ALCAM: variants seen among roughly 807,000 people sequenced by gnomAD.
The protein encoded by ALCAM is activated leukocyte cell adhesion molecule.
ALCAM carries 30 observed loss-of-function variants against 70.9 expected under a neutral mutation model. That is an observed-to-expected ratio of 0.42 (90% CI 0.32 to 0.57). ALCAM has a LOEUF of 0.57. ALCAM is among the 20% of genes least tolerant of loss of function. The pLI is 0.11. For missense variants in ALCAM, 591 were observed against 695.1 expected (o/e 0.85, Z 1.68); for synonymous variants, 249 against 242.5 (o/e 1.03, Z -0.25).
intron 1 of ALCAM, among the ~76,000 whole-genome samples, chr3:105,485,511 G>A (rs1938403056): frequency 6.6e-6 from 1 of 151,862 alleles, no homozygotes; most frequent in Admixed American, 6.6e-5. Context: ...TTTTAACCCA[G>A]AAATGTTCAA....
At chr3:105,371,513 G>A (rs1269757517) in intron 1 of ALCAM, among the ~76,000 whole-genome samples, 2 of 81,502 alleles carry the variant, frequency 2.5e-5, no homozygotes, top group Admixed American at 3.2e-4. Flanking sequence ...ATGGAAAGAT[G>A]TTTCTTTTTT....
In ALCAM at chr3:105,521,825, C is replaced by T. The variant is rs77124720; in HGVS notation, c.174+1658C>T. Among the ~76,000 whole-genome samples, 30 of 152,290 alleles carry T rather than the reference C, an allele frequency of 2.0e-4. No individual in the cohort carries two copies. In the East Asian group the frequency reaches 5.6e-3, roughly 28 times the overall value. On this transcript the variant is annotated intron_variant, in intron 2 of 15. Coordinates refer to ENST00000306107, the MANE Select transcript of ALCAM (RefSeq NM_001627.4). ...AGGAAAGGAAGGTGGTAAGGCAGCA[C>T]AGCATTTCTCTGTAGCCTCCTTCTA...
chr3:105,545,395 T>C (rs1368734491), intron 9 of ALCAM, 60 bp downstream of exon 9: 3 of 1,214,410 alleles, frequency 2.5e-6, no homozygotes, highest in East Asian at 4.7e-5. Flanking sequence ...AGGTTTCTTA[T>C]GCACTTTATA....
rs539002530 is a variant in ALCAM, at chr3:105,392,650, A to G, written c.73+25169A>G. 1.1e-3 allele frequency among the ~76,000 whole-genome samples: 172 copies of G among 151,672 alleles called. 1 individual carries two copies. Among genetic ancestry groups the G allele is most frequent in the African/African-American group, 3.9e-3 (162 of 41,428 alleles). ...GGGTTTGTTTGCTTTGGGTTCTCCA[A>G]TTCTTTCAGTTGTGATGTTAGGTTT... On this transcript the variant is annotated intron_variant, in intron 1 of 15. Coordinates refer to ENST00000306107, the MANE Select transcript of ALCAM (RefSeq NM_001627.4).
chr3:105,432,660 G>T lies in ALCAM; in HGVS notation c.73+65179G>T, dbSNP rs539266524. ...AGTGTTACATAAAATGTCAAACTTA[G>T]CACAGCGCTTCACACATAACAAACT... On this transcript the variant is annotated intron_variant, in intron 1 of 15. Coordinates refer to ENST00000306107, the MANE Select transcript of ALCAM (RefSeq NM_001627.4). Among the ~76,000 whole-genome samples the T allele has an allele frequency of 9.2e-5, 14 of 152,102 alleles. No individual in the cohort carries two copies. In the Middle Eastern group the frequency reaches 0.014, roughly 148 times the overall value.
intron 1 of ALCAM, among the ~76,000 whole-genome samples, chr3:105,411,317 G>C (rs1053920037): frequency 1.1e-4 from 17 of 152,090 alleles, no homozygotes; most frequent in Non-Finnish European, 2.9e-5. Flanking sequence ...AGGCATTCCA[G>C]TTCACTTCTG....
chr3:105,541,435 A>C (rs1018313753), intron 7 of ALCAM, among the ~76,000 whole-genome samples, 198 bp from the exon 8 acceptor site: 4 of 151,978 alleles, frequency 2.6e-5, no homozygotes, highest in Non-Finnish European at 5.9e-5. Context: ...TCAGCTCTCA[A>C]ATTCCTTAGG....
intron 3 of ALCAM, among the ~76,000 whole-genome samples, chr3:105,527,323 G>A (rs73192763): frequency 5.9e-5 from 9 of 152,174 alleles, no homozygotes; most frequent in African/African-American, 2.2e-4. Flanking sequence ...AGATGGAGCA[G>A]TCACTGAGCG....
At chr3:105,420,456 C>G (rs1314289277) in intron 1 of ALCAM, among the ~76,000 whole-genome samples, 2 of 151,686 alleles carry the variant, frequency 1.3e-5, no homozygotes, top group Non-Finnish European at 3.0e-5. Context: ...AATGCTGCAT[C>G]TAAACTTCAG....
At chr3:105,551,853 G>A (rs1197939581) in intron 12 of ALCAM, among the ~76,000 whole-genome samples, 1 of 151,548 alleles carries the variant, frequency 6.6e-6, no homozygotes, top group Non-Finnish European at 1.5e-5. Context: ...AAAGGTGGTG[G>A]ATAGTGGGAA....
At chr3:105,461,577 T>C (rs1937605678) in intron 1 of ALCAM, among the ~76,000 whole-genome samples, 1 of 151,738 alleles carries the variant, frequency 6.6e-6, no homozygotes, top group Admixed American at 6.6e-5. Flanking sequence ...CAAAATTATG[T>C]GAAGAAGTGG....
chr3:105,424,167 G>A (rs897319802), intron 1 of ALCAM, among the ~76,000 whole-genome samples: 1 of 151,442 alleles, frequency 6.6e-6, no homozygotes, highest in South Asian at 2.1e-4. Context: ...TAGGGTTTTT[G>A]TGGGTATCAA....
At chr3:105,435,124 C>T (rs1276820346) in intron 1 of ALCAM, among the ~76,000 whole-genome samples, 1 of 152,124 alleles carries the variant, frequency 6.6e-6, no homozygotes, top group African/African-American at 2.4e-5. Context: ...TCATTTTAGG[C>T]TTCTATATGA....
chr3:105,494,221 C>G (rs914623525), intron 1 of ALCAM, among the ~76,000 whole-genome samples: 9 of 152,042 alleles, frequency 5.9e-5, no homozygotes, highest in Non-Finnish European at 1.0e-4. Flanking sequence ...AAAATTAGTC[C>G]TCCTTTTCTT....
intron 1 of ALCAM, among the ~76,000 whole-genome samples, chr3:105,459,415 CA>C (rs1431909089): frequency 6.6e-6 from 1 of 151,904 alleles, no homozygotes. Context: ...ATTGGGAAGA[CA>C]GGGGTATTAT....
chr3:105,427,744 A>G (rs1158624018), intron 1 of ALCAM, among the ~76,000 whole-genome samples: 1 of 151,868 alleles, frequency 6.6e-6, no homozygotes, highest in Non-Finnish European at 1.5e-5. Context: ...AGTTTCTCCG[A>G]TTTTTAGATA....
chr3:105,434,399 A>G (rs954095149), intron 1 of ALCAM, among the ~76,000 whole-genome samples: 1 of 152,122 alleles, frequency 6.6e-6, no homozygotes, highest in Non-Finnish European at 1.5e-5. Flanking sequence ...CCCATGGTAA[A>G]TTAGGATGAA....
At chr3:105,443,850 T>G (rs145529464) in intron 1 of ALCAM, among the ~76,000 whole-genome samples, 1 of 152,352 alleles carries the variant, frequency 6.6e-6, no homozygotes, top group African/African-American at 2.4e-5. Context: ...GTTTCTATAA[T>G]GCCTACTTTC....
At chr3:105,550,005 CT>C in intron 11 of ALCAM, 121 bp from the exon 12 acceptor site, 1 of 770,672 alleles carries the variant, frequency 1.3e-6, no homozygotes, top group East Asian at 2.8e-5. Context: ...TCTTACATAG[CT>C]TTTGAACACC....
Sources: allele counts gnomAD v4.1 joint callset (sites outside exome capture counted in the v4.1 genomes callset), GRCh38; gene constraint gnomAD v4.1.1; transcripts MANE v1.5; gene names NCBI Gene and HGNC (gene_info 2026-07-23, HGNC 2026-07-21).